ANKS1B: variants seen among roughly 807,000 people sequenced by gnomAD.
The protein encoded by ANKS1B is ankyrin repeat and sterile alpha motif domain containing 1B.
In ANKS1B, 36 loss-of-function variants were observed where a neutral mutation model predicts 148.3. The ratio of observed to expected loss-of-function variants is 0.24; its 90% CI spans 0.19 to 0.32. ANKS1B has a LOEUF of 0.32. ANKS1B is among the 10% of genes least tolerant of loss of function. The probability of loss-of-function intolerance (pLI) is 1.00; values close to 1 mark genes in which losing one functional copy is unlikely to be tolerated. For synonymous variants in ANKS1B, 542 were observed against 560.8 expected (o/e 0.97, Z 0.47); for missense variants, 1,157 against 1,542.6 (o/e 0.75, Z 4.19).
intron 10 of ANKS1B, among the ~76,000 whole-genome samples, chr12:99,480,393 T>C (rs930506467): frequency 6.6e-6 from 1 of 151,820 alleles, no homozygotes; most frequent in East Asian, 1.9e-4. Context: ...ATAAAGGAAT[T>C]TTTTTGTTTT....
intron 9 of ANKS1B, among the ~76,000 whole-genome samples, chr12:99,632,767 A>ATATATATATAT (rs1441486862): frequency 2.8e-5 from 2 of 71,334 alleles, no homozygotes; most frequent in Non-Finnish European, 2.9e-5. Context: ...ATATATATAT[A>ATATATATATAT]TTTTAATTAT....
intron 11 of ANKS1B, among the ~76,000 whole-genome samples, chr12:99,424,260 C>T (rs1396915287): frequency 1.3e-5 from 2 of 151,948 alleles, no homozygotes; most frequent in African/African-American, 4.8e-5. Context: ...TGCTTTTTAT[C>T]TCAGTGGAGT....
intron 17 of ANKS1B, among the ~76,000 whole-genome samples, chr12:99,000,225 G>T (rs1379554169): frequency 1.3e-5 from 2 of 151,336 alleles, no homozygotes; most frequent in Non-Finnish European, 2.9e-5. Context: ...GGGCTTCAGA[G>T]AAGTCAGGTG....
At chr12:99,439,168 A>G (rs1039344399) in intron 11 of ANKS1B, among the ~76,000 whole-genome samples, 3 of 151,832 alleles carry the variant, frequency 2.0e-5, no homozygotes, top group Non-Finnish European at 3.0e-5. Flanking sequence ...ACCATACACA[A>G]AGCAATCTGA....
rs376388839 is a variant in ANKS1B at position 99,016,911 on chromosome 12, C to T, written c.2778+36246G>A. On this transcript the variant is annotated intron_variant, in intron 17 of 26. Transcript: ENST00000683438. ...TTGGCTGTAGGGTTGCAGGTACTTTCCCTGTCCTTTGATCTTAATCACCAA... is the reference window on the plus strand; with the variant it reads ...TTGGCTGTAGGGTTGCAGGTACTTTTCCTGTCCTTTGATCTTAATCACCAA... 2.0e-5 allele frequency among the ~76,000 whole-genome samples: 3 copies of T among 152,162 alleles called. No individual in the cohort carries two copies. The East Asian group carries it at 5.8e-4, about 29-fold the overall frequency.
At chr12:99,089,077 G>A (rs533759832) in intron 15 of ANKS1B, among the ~76,000 whole-genome samples, 4 of 151,590 alleles carry the variant, frequency 2.6e-5, no homozygotes, top group South Asian at 2.1e-4. Flanking sequence ...CATCTGCCTC[G>A]GCCTCCCAAA....
At chr12:99,734,177 TC>T (rs1449743842) in intron 8 of ANKS1B, among the ~76,000 whole-genome samples, 2 of 152,178 alleles carry the variant, frequency 1.3e-5, no homozygotes, top group Non-Finnish European at 2.9e-5. Context: ...CTCTCTTTAC[TC>T]CTTGCTCTTG....
chr12:98,995,178 A>C (rs981170954), intron 17 of ANKS1B, among the ~76,000 whole-genome samples: 22 of 152,214 alleles, frequency 1.4e-4, no homozygotes, highest in African/African-American at 7.2e-5. Flanking sequence ...TAATGGTAGT[A>C]CTACCCGACA....
At chr12:98,928,969 T>C (rs924549088) in intron 17 of ANKS1B, among the ~76,000 whole-genome samples, 8 of 151,916 alleles carry the variant, frequency 5.3e-5, no homozygotes, top group Admixed American at 1.3e-4. Flanking sequence ...AATCAATGCA[T>C]CTAGCTTGAA....
intron 12 of ANKS1B, among the ~76,000 whole-genome samples, chr12:99,264,173 G>A (rs2076206345): frequency 1.3e-5 from 2 of 151,940 alleles, no homozygotes; most frequent in African/African-American, 4.8e-5. Context: ...GCTAAATTCA[G>A]TAAATCTGTA....
intron 8 of ANKS1B, among the ~76,000 whole-genome samples, chr12:99,719,812 A>G (rs2057877205): frequency 6.6e-6 from 1 of 152,156 alleles, no homozygotes; most frequent in African/African-American, 2.4e-5. Flanking sequence ...AAGGCCATCA[A>G]AGGGCATCAG....
intron 8 of ANKS1B, among the ~76,000 whole-genome samples, chr12:99,752,823 T>A (rs2061234228): frequency 6.6e-6 from 1 of 152,070 alleles, no homozygotes; most frequent in Non-Finnish European, 1.5e-5. Flanking sequence ...GAGTAGTTAC[T>A]ATTTGTAGGA....
rs960597763 is a variant in ANKS1B, at chr12:98,829,525, C to T, written c.2887-172G>A. Among the ~76,000 whole-genome samples, 2 of 151,650 alleles carry T rather than the reference C, an allele frequency of 1.3e-5. No individual in the cohort carries two copies. The highest frequency in any genetic ancestry group is 4.8e-5 in the African/African-American group (2 of 41,328). On this transcript the variant is annotated intron_variant, in intron 18 of 26. Transcript: ENST00000683438. This position sits in a 1 kb window ranked among gnomAD's most constrained non-coding sequence, Gnocchi z 5.2. ...TATTAATGGCATGATCTAGTCAATA[C>T]GTTTTTCCCCTAAGTATTTCAGGTC...
intron 17 of ANKS1B, among the ~76,000 whole-genome samples, chr12:98,930,142 T>C (rs1320418621): frequency 6.6e-6 from 1 of 152,012 alleles, no homozygotes. Context: ...AATAGACATT[T>C]CTCCAAAAAA....
intron 1 of ANKS1B, among the ~76,000 whole-genome samples, chr12:99,935,506 C>T (rs1489493532): frequency 1.3e-5 from 2 of 152,076 alleles, no homozygotes; most frequent in Admixed American, 6.5e-5. Context: ...CTATGGTTTC[C>T]TCTTAAGCAT....
At chr12:99,069,375 G>A (rs1449357883) in intron 16 of ANKS1B, among the ~76,000 whole-genome samples, 7 of 152,120 alleles carry the variant, frequency 4.6e-5, no homozygotes. Context: ...ATAATCTCTT[G>A]TACATCTGTG....
chr12:99,381,480 A>C (rs2093641493), intron 12 of ANKS1B, among the ~76,000 whole-genome samples: 1 of 152,206 alleles, frequency 6.6e-6, no homozygotes, highest in African/African-American at 2.4e-5. Flanking sequence ...GGAAGAGACC[A>C]AGGTGGAGGT....
At chr12:99,249,128 G>A (rs1376875145) in intron 12 of ANKS1B, among the ~76,000 whole-genome samples, 3 of 152,080 alleles carry the variant, frequency 2.0e-5, no homozygotes, top group Non-Finnish European at 4.4e-5. Flanking sequence ...GTGGTAGGAA[G>A]GAGGAATTCT....
intron 1 of ANKS1B, among the ~76,000 whole-genome samples, chr12:99,911,332 AAACT>A (rs1376544816): frequency 3.3e-5 from 5 of 152,214 alleles, no homozygotes; most frequent in African/African-American, 1.2e-4. Context: ...GTCATGATAC[AAACT>A]AACCAGGCCA....
Sources: allele counts gnomAD v4.1 joint callset (sites outside exome capture counted in the v4.1 genomes callset), GRCh38; gene constraint gnomAD v4.1.1; non-coding constraint Gnocchi (gnomAD v3.1); transcripts MANE v1.5; gene names NCBI Gene and HGNC (gene_info 2026-07-23, HGNC 2026-07-21).